Variants in ENTPD5 observed in about 807,000 individuals in gnomAD.
ENTPD5 encodes ectonucleoside triphosphate diphosphohydrolase 5 (inactive).
A neutral mutation model predicts 60.2 loss-of-function variants in ENTPD5; 49 were observed. The ratio of observed to expected loss-of-function variants is 0.81; its 90% CI spans 0.65 to 1.03. The LOEUF (loss-of-function observed/expected upper bound fraction) is 1.03. ENTPD5 is among the 50% of genes least tolerant of loss of function. The pLI is 0.00. For missense variants in ENTPD5, 480 were observed against 507.6 expected, an observed-to-expected ratio of 0.95 and a Z score of 0.52; for synonymous variants, 187 against 185.4, an observed-to-expected ratio of 1.01 and a Z score of -0.07.
intron 11 of ENTPD5, 39 bp from the exon 12 acceptor site, chr14:73,974,017 T>C: frequency 6.4e-7 from 1 of 1,569,792 alleles, no homozygotes; most frequent in Non-Finnish European, 8.8e-7. Context: ...GGTAAGTAAG[T>C]GAGAGAGAGG....
At chr14:73,970,415 C>T (rs920650003) in intron 14 of ENTPD5, among the ~76,000 whole-genome samples, 1 of 151,872 alleles carries the variant, frequency 6.6e-6, no homozygotes, top group Non-Finnish European at 1.5e-5. Flanking sequence ...TCGCTTGAAC[C>T]TGGAAGGCAG....
At chr14:73,997,051 C>T (rs773350517) in intron 3 of ENTPD5, among the ~76,000 whole-genome samples, 1 of 152,024 alleles carries the variant, frequency 6.6e-6, no homozygotes, top group Non-Finnish European at 1.5e-5. Flanking sequence ...ACATAAGGGA[C>T]AAGAAACTTG....
At position 73,987,887 on chromosome 14, in the gene ENTPD5, TG is replaced by T. The variant is rs764879997; in HGVS notation, c.215del (p.Pro72GlnfsTer7). 6.2e-7 allele frequency: 1 copy of T among 1,613,980 alleles called. No individual in the cohort carries two copies. The highest frequency in any genetic ancestry group is 1.3e-5 in the African/African-American group (1 of 74,930). On this transcript the variant is annotated frameshift_variant and splice_region_variant, in exon 4 of 16. Transcript: ENST00000334696. LOFTEE classifies it high-confidence loss of function. ...IHVYTFVQKMPGQLPILEGEV... is the reference protein window; with the variant it reads ...IHVYTFVQKMXGQLPILEGEV... Reference sequence around the variant, plus strand: ...ACTAAGGGTCCCAGTTGCACTTACCTGGCATTTTCTGCACAAAGGTGTAAAC... The same window carrying T: ...ACTAAGGGTCCCAGTTGCACTTACCTGCATTTTCTGCACAAAGGTGTAAAC...
chr14:73,973,812 C>T (rs2057327381), intron 12 of ENTPD5, 65 bp downstream of exon 12: 1 of 1,426,510 alleles, frequency 7.0e-7, no homozygotes, highest in Admixed American at 1.7e-5. Context: ...AAAAAGTTTC[C>T]CATGGGACTT....
downstream of ENTPD5, chr14:73,960,869 A>G (rs2140415342): frequency 4.3e-6 from 2 of 466,308 alleles, no homozygotes; most frequent in East Asian, 8.9e-5. Flanking sequence ...TGGAGGTAGA[A>G]GGATACTGTG....
chr14:73,975,088 A>C (rs1033826021), intron 10 of ENTPD5, 103 bp from the exon 11 acceptor site: 2 of 903,266 alleles, frequency 2.2e-6, no homozygotes, highest in Non-Finnish European at 3.6e-6. Context: ...CTCTGGAAAG[A>C]TGAAAACCTT....
At chr14:73,959,499 G>T, downstream of ENTPD5, 1 of 1,614,116 alleles carries the variant, frequency 6.2e-7, no homozygotes, top group South Asian at 1.1e-5. Flanking sequence ...GGAAAAATTT[G>T]TGGATGCCGT....
downstream of ENTPD5, chr14:73,955,803 A>T: frequency 1.2e-6 from 2 of 1,614,092 alleles, no homozygotes; most frequent in Non-Finnish European, 1.7e-6. Flanking sequence ...TTGTGTTTCC[A>T]GGTGTGGGAC....
At chr14:73,961,618 G>A, downstream of ENTPD5, 1 of 1,607,648 alleles carries the variant, frequency 6.2e-7, no homozygotes. Context: ...CATATAGTTA[G>A]GCAAGATCAG....
At chr14:73,991,253 C>T (rs1382255437) in intron 3 of ENTPD5, among the ~76,000 whole-genome samples, 7 of 152,036 alleles carry the variant, frequency 4.6e-5, no homozygotes, top group African/African-American at 1.7e-4. Flanking sequence ...TAAAGGAAAA[C>T]TGGAGTTCCT....
chr14:73,995,896 A>G (rs1293109611), intron 3 of ENTPD5, among the ~76,000 whole-genome samples: 4 of 151,782 alleles, frequency 2.6e-5, no homozygotes, highest in African/African-American at 4.8e-5. Context: ...CCTGTTTCCA[A>G]TTCTTTTTGT....
chr14:73,981,234 C>T (rs1258264179), intron 6 of ENTPD5, among the ~76,000 whole-genome samples: 3 of 152,066 alleles, frequency 2.0e-5, no homozygotes, highest in Admixed American at 6.6e-5. Context: ...GGTGCAGTGG[C>T]TCACGTCTGT....
chr14:73,970,246 C>T (rs1022041647), intron 14 of ENTPD5, 121 bp from the exon 15 acceptor site: 2 of 612,382 alleles, frequency 3.3e-6, no homozygotes, highest in Admixed American at 4.8e-5. Context: ...AATCCTAGCA[C>T]TTTGGGAGGC....
At position 73,970,007 on chromosome 14, in the gene ENTPD5, T is replaced by C. The variant is rs369274187; in HGVS notation, c.1200+3A>G. ...TATGAGACTCTGGTGTCCTGTCTCTTACCTGTAAGACTGTGCTGTCTGCAA... is the reference window on the plus strand; with the variant it reads ...TATGAGACTCTGGTGTCCTGTCTCTCACCTGTAAGACTGTGCTGTCTGCAA... On this transcript the variant is annotated splice_donor_region_variant and intron_variant, in intron 15 of 15. Coordinates refer to ENST00000334696, the MANE Select transcript of ENTPD5 (RefSeq NM_001249.5). 3.1e-6 allele frequency: 5 copies of C among 1,606,584 alleles called. No individual in the cohort carries two copies. Among genetic ancestry groups the C allele is most frequent in the Non-Finnish European group, 4.3e-6 (5 of 1,173,364 alleles).
chr14:73,959,149 C>T (rs758998842), downstream of ENTPD5: 5 of 1,614,178 alleles, frequency 3.1e-6, no homozygotes, highest in Admixed American at 5.0e-5. Flanking sequence ...AACTTTTCTC[C>T]TCTCTGTTGC....
At chr14:73,983,566 G>A (rs1566732028) in intron 5 of ENTPD5, among the ~76,000 whole-genome samples, 1 of 147,656 alleles carries the variant, frequency 6.8e-6, no homozygotes, top group Non-Finnish European at 1.5e-5. Context: ...AGAGGTTGCA[G>A]TGAGTCAAGC....
At chr14:74,004,180 T>G (rs1448165369) in intron 3 of ENTPD5, among the ~76,000 whole-genome samples, 1 of 149,640 alleles carries the variant, frequency 6.7e-6, no homozygotes, top group Non-Finnish European at 1.5e-5. Flanking sequence ...CCTTTTTTAT[T>G]TTTTTGAGAC....
rs774710700 is a variant in ENTPD5 at position 73,966,954 on chromosome 14, A to T, written c.1261T>A (p.Leu421Met). Residue 421 changes from leucine (L) to methionine (M), a missense_variant, in exon 16 of 16, where the codon TTG becomes ATG. Transcript: ENST00000334696. ...GWALGATFHL[L>M]QSLGISH ...CAATGGGAGATGCCCAGAGACTGCA[A>T]CAGGTGAAAGGTGGCCCCCAAGGCC... 6.2e-7 allele frequency: 1 copy of T among 1,614,226 alleles called. No homozygotes were observed. The highest frequency in any genetic ancestry group is 1.1e-5 in the South Asian group (1 of 91,086).
At position 73,965,755 on chromosome 14, in the gene ENTPD5, T is replaced by C. The variant is rs189605247; in HGVS notation, c.*1173A>G. The C allele has an allele frequency of 3.9e-4, 59 of 152,216 alleles. No individual in the cohort carries two copies. The highest frequency in any genetic ancestry group is 1.4e-3 in the African/African-American group (59 of 41,538). The allele number at this position is 152,216 out of a possible 1,614,324, so 9.4% of individuals were successfully genotyped here. On this transcript the variant is annotated 3_prime_UTR_variant, in exon 16 of 16. Transcript: ENST00000334696. ...TGCAAGATAATGAATTTGGGGTAAA[T>C]AATTCACAGTCAAGAGCTCTGAGCA...
Sources: allele counts gnomAD v4.1 joint callset (sites outside exome capture counted in the v4.1 genomes callset), GRCh38; gene constraint gnomAD v4.1.1; transcripts MANE v1.5; gene names NCBI Gene and HGNC (gene_info 2026-07-23, HGNC 2026-07-21).